The following FAM169A variants were observed in gnomAD, a reference collection of about 807,000 sequenced individuals.
FAM169A encodes family with sequence similarity 169 member A.
Under a neutral mutation model 75.7 loss-of-function variants are expected in FAM169A, and 24 were observed. The ratio of observed to expected loss-of-function variants is 0.32; its 90% CI spans 0.23 to 0.45. FAM169A has a LOEUF of 0.45. Ranked by LOEUF, FAM169A falls within the 20% of genes least tolerant of loss-of-function variation. The pLI is 1.00. For missense variants in FAM169A, 673 were observed against 784.0 expected (o/e 0.86, Z 1.69); for synonymous variants, 271 against 271.0 (o/e 1.00, Z 0.00).
chr5:74,799,228 T>C, intron 10 of FAM169A: 1 of 1,402,146 alleles, frequency 7.1e-7, no homozygotes, highest in East Asian at 2.3e-5. Flanking sequence ...TGCCTATGTC[T>C]GGAGTCAGAA....
At chr5:74,856,856 T>C (rs934969046) in intron 1 of FAM169A, among the ~76,000 whole-genome samples, 1 of 149,700 alleles carries the variant, frequency 6.7e-6, no homozygotes, top group Non-Finnish European at 1.5e-5. Context: ...ACGCCTGTAA[T>C]CCCAGTGCTT....
rs1476348266 is a variant in FAM169A, at chr5:74,800,964, T to C, written c.1019A>G (p.Lys340Arg). Residue 340 changes from lysine (K) to arginine (R), a missense_variant, in exon 10 of 13, where the codon AAG becomes AGG. Physicochemically the swap from Lys to Arg is conservative, Grantham distance 26. This residue lies in a region of FAM169A where 510 missense variants were observed against 550.9 expected (regional missense o/e 0.93). Transcript: ENST00000687041. ...SGNLKRPKIG[K>R]RFQDSEFSSS... ...GCTAAATTCAGAATCCTGAAACCGC[T>C]TTCCAATCTTTGGCCGCTTTAGATT... The C allele has an allele frequency of 1.9e-6, 3 of 1,562,798 alleles. No homozygotes were observed. The African/African-American group carries it at 4.1e-5, about 22-fold the overall frequency.
chr5:74,819,993 CTTTT>C (rs56815603), intron 5 of FAM169A, among the ~76,000 whole-genome samples: 2,265 of 119,036 alleles, frequency 0.019, 61 homozygotes, highest in African/African-American at 0.07. Context: ...GAATTGTATC[CTTTT>C]TTTTTTTTTT....
At chr5:74,791,688 A>G (rs1465692185) in intron 11 of FAM169A, among the ~76,000 whole-genome samples, 2 of 152,204 alleles carry the variant, frequency 1.3e-5, no homozygotes, top group Non-Finnish European at 2.9e-5. Flanking sequence ...CCCTGTGATT[A>G]AGGTCAATGG....
chr5:74,814,360 T>C (rs1747363165), intron 5 of FAM169A, among the ~76,000 whole-genome samples: 1 of 152,126 alleles, frequency 6.6e-6, no homozygotes, highest in Admixed American at 6.5e-5. Context: ...TCATCAACTA[T>C]TAAAATTTCA....
At chr5:74,840,311 T>C (rs996572767) in intron 2 of FAM169A, 138 bp from the exon 3 acceptor site, 17 of 450,304 alleles carry the variant, frequency 3.8e-5, no homozygotes, top group Non-Finnish European at 6.4e-5. Context: ...TTCTAGTCTC[T>C]AAAAAAAGAG....
chr5:74,809,509 T>C (rs1245646273), intron 6 of FAM169A, among the ~76,000 whole-genome samples: 2 of 151,984 alleles, frequency 1.3e-5, no homozygotes, highest in African/African-American at 2.4e-5. Context: ...GACAGGAGAA[T>C]GGCGTGAACA....
chr5:74,864,517 C>G (rs968615518), intron 1 of FAM169A, among the ~76,000 whole-genome samples: 1 of 152,212 alleles, frequency 6.6e-6, no homozygotes, highest in Non-Finnish European at 1.5e-5. Context: ...TGTGAGCCAC[C>G]GCACCCGGCC....
chr5:74,787,689 C>T (rs999418955), intron 11 of FAM169A, among the ~76,000 whole-genome samples: 8 of 152,096 alleles, frequency 5.3e-5, no homozygotes, highest in South Asian at 2.1e-4. Context: ...GCAAGGTGGG[C>T]GAGCTACCAT....
chr5:74,859,503 T>A (rs1336744507), intron 1 of FAM169A, among the ~76,000 whole-genome samples: 1 of 151,982 alleles, frequency 6.6e-6, no homozygotes, highest in Non-Finnish European at 1.5e-5. Context: ...TTGGTCAGGC[T>A]GGTCTCAAAC....
In FAM169A at chr5:74,783,150, A is replaced by T. The variant is rs371105140; in HGVS notation, c.1261-16T>A. The T allele has an allele frequency of 8.3e-6, 13 of 1,571,528 alleles. No homozygotes were observed. The African/African-American group carries it at 1.6e-4, about 20-fold the overall frequency. ...ATTCAGATTCCTACACCATGAGGAG[A>T]GAGGGAAAAAGTAAGGACATGATTA... On this transcript the variant is annotated splice_polypyrimidine_tract_variant and intron_variant, in intron 11 of 12. Coordinates refer to ENST00000687041, the MANE Select transcript of FAM169A (RefSeq NM_001376049.1).
Position 74,866,321 on chromosome 5 carries a change from C to G in FAM169A, c.-160G>C. On this transcript the variant is annotated 5_prime_UTR_variant, in exon 1 of 13. Transcript: ENST00000687041. Reference sequence around the variant, plus strand: ...CGAGTGCGGCTGCCTCCCGCTCGCCCCGGACGCCCGGCTCCTCGTCGCGGG... The same window carrying G: ...CGAGTGCGGCTGCCTCCCGCTCGCCGCGGACGCCCGGCTCCTCGTCGCGGG... 1.0e-6 allele frequency: 1 copy of G among 984,490 alleles called. No homozygotes were observed. Among genetic ancestry groups the G allele is most frequent in the Non-Finnish European group, 1.2e-6 (1 of 829,602 alleles). 61.0% of individuals were successfully genotyped at this position (984,490 alleles called of 1,614,324 possible).
At chr5:74,841,727 C>T (rs898272964) in intron 1 of FAM169A, 48 bp from the exon 2 acceptor site, 2 of 1,496,654 alleles carry the variant, frequency 1.3e-6, no homozygotes, top group Non-Finnish European at 1.8e-6. Flanking sequence ...GAAACGCCAT[C>T]TTCCTTTACT....
At chr5:74,803,277 C>G (rs1259324950) in intron 8 of FAM169A, among the ~76,000 whole-genome samples, 10 of 151,894 alleles carry the variant, frequency 6.6e-5, no homozygotes. Context: ...TTATAACTGG[C>G]CAATACTAAA....
chr5:74,781,350 A>C lies in FAM169A; in HGVS notation c.*110T>G. 2 of 1,061,004 alleles carry C rather than the reference A, an allele frequency of 1.9e-6. No homozygotes were observed. Among genetic ancestry groups the C allele is most frequent in the Non-Finnish European group, 2.7e-6 (2 of 734,664 alleles). The allele number at this position is 1,061,004 out of a possible 1,614,324, so 65.7% of individuals were successfully genotyped here. ...CTGCATAGTAAGTAAGTTCAAATTGAAATTTTGGAAATTTTTGTCCTGTGC... is the reference window on the plus strand; with the variant it reads ...CTGCATAGTAAGTAAGTTCAAATTGCAATTTTGGAAATTTTTGTCCTGTGC... On this transcript the variant is annotated 3_prime_UTR_variant, in exon 13 of 13. Coordinates refer to ENST00000687041, the MANE Select transcript of FAM169A (RefSeq NM_001376049.1).
At chr5:74,841,750 A>T in intron 1 of FAM169A, 71 bp from the exon 2 acceptor site, 1 of 1,297,394 alleles carries the variant, frequency 7.7e-7, no homozygotes, top group Non-Finnish European at 1.0e-6. Context: ...CAGAAAATAA[A>T]TTTTACTACA....
chr5:74,828,358 T>C (rs1317968661), intron 5 of FAM169A, among the ~76,000 whole-genome samples: 1 of 152,194 alleles, frequency 6.6e-6, no homozygotes, highest in Non-Finnish European at 1.5e-5. Context: ...TTTTCTTTTT[T>C]TAAAGTGGGA....
At chr5:74,782,807 A>C in intron 12 of FAM169A, 124 bp downstream of exon 12, 1 of 569,372 alleles carries the variant, frequency 1.8e-6, no homozygotes, top group East Asian at 2.8e-5. Flanking sequence ...TCTAGTATAA[A>C]AGTTAATCTT....
In FAM169A at chr5:74,781,659, G is replaced by C. The variant is rs377658529; in HGVS notation, c.1814C>G (p.Ala605Gly). 2 of 1,614,080 alleles carry C rather than the reference G, an allele frequency of 1.2e-6. No individual in the cohort carries two copies. Among genetic ancestry groups the C allele is most frequent in the South Asian group, 2.2e-5 (2 of 91,084 alleles). ...CTCCTCTGACTGATTCTTCTGTCCTGCATTCTGTGAAAATGGCACGTCTTC... is the reference window on the plus strand; with the variant it reads ...CTCCTCTGACTGATTCTTCTGTCCTCCATTCTGTGAAAATGGCACGTCTTC... ...ELEDVPFSQN[A>G]GQKNQSEEQS... The change falls in exon 13 of 13, where the codon GCA becomes GGA. Residue 605 changes from alanine (A) to glycine (G), a missense_variant. Physicochemically the swap from Ala to Gly is moderately conservative, Grantham distance 60 (BLOSUM62 0). This residue lies in a region of FAM169A where 510 missense variants were observed against 550.9 expected (regional missense o/e 0.93). Coordinates refer to ENST00000687041, the MANE Select transcript of FAM169A (RefSeq NM_001376049.1).
Sources: gnomAD v4.1 joint callset for allele counts (sites outside exome capture counted in the v4.1 genomes callset) on GRCh38, gnomAD v4.1.1 for gene constraint, gnomAD v4.1.1 regional missense constraint, MANE v1.5 for transcripts, NCBI Gene and HGNC (gene_info 2026-07-23, HGNC 2026-07-21) for gene names.